The following RUNDC3B variants were observed in gnomAD, a reference collection of about 807,000 sequenced individuals.
RUNDC3B encodes the protein RUN domain-containing protein 3B.
Under a neutral mutation model 58.4 loss-of-function variants are expected in RUNDC3B, and 33 were observed. The ratio of observed to expected loss-of-function variants is 0.56; its 90% CI spans 0.43 to 0.75. The LOEUF (loss-of-function observed/expected upper bound fraction) is 0.75, where lower values mean the gene tolerates loss of function less well. Ranked by LOEUF, RUNDC3B falls within the 30% of genes least tolerant of loss-of-function variation. The pLI is 0.00. For missense variants in RUNDC3B, 501 were observed against 535.7 expected (o/e 0.94, Z 0.64); for synonymous variants, 193 against 195.2 (o/e 0.99, Z 0.10).
intron 9 of RUNDC3B, 29 bp downstream of exon 9, chr7:87,807,548 A>C (rs1836502469): frequency 1.3e-6 from 2 of 1,555,792 alleles, no homozygotes; most frequent in Non-Finnish European, 8.9e-7. Context: ...TTTCCAACTA[A>C]TTAATAGTTA....
chr7:87,718,239 T>A (rs180792432), intron 4 of RUNDC3B, among the ~76,000 whole-genome samples: 1 of 152,278 alleles, frequency 6.6e-6, no homozygotes, highest in East Asian at 1.9e-4. Context: ...TGGGCTGTGC[T>A]TAATTCCCTC....
At chr7:87,746,493 C>G (rs1002560040) in intron 6 of RUNDC3B, among the ~76,000 whole-genome samples, 18 of 152,102 alleles carry the variant, frequency 1.2e-4, no homozygotes, top group Non-Finnish European at 2.9e-5. Flanking sequence ...TTTGGGAGCT[C>G]CAGTGTTTGG....
chr7:87,794,481 T>A (rs1835700614), intron 8 of RUNDC3B, among the ~76,000 whole-genome samples: 1 of 151,640 alleles, frequency 6.6e-6, no homozygotes, highest in Admixed American at 6.6e-5. Flanking sequence ...ATGAAAGAAA[T>A]TGAAGAGGAC....
chr7:87,677,330 A>T (rs1220632757), intron 2 of RUNDC3B, among the ~76,000 whole-genome samples: 2 of 148,114 alleles, frequency 1.4e-5, no homozygotes, highest in Admixed American at 1.3e-4. Flanking sequence ...ATACCATTTC[A>T]GATTTAAAAA....
At chr7:87,683,715 T>C (rs1382582253) in intron 2 of RUNDC3B, among the ~76,000 whole-genome samples, 1 of 152,048 alleles carries the variant, frequency 6.6e-6, no homozygotes, top group African/African-American at 2.4e-5. Flanking sequence ...ACAATAATAA[T>C]GAAAAAGTTT....
At chr7:87,823,526 A>T (rs564057951) in intron 10 of RUNDC3B, among the ~76,000 whole-genome samples, 1 of 151,950 alleles carries the variant, frequency 6.6e-6, no homozygotes, top group Non-Finnish European at 1.5e-5. Flanking sequence ...TCACCTGAGC[A>T]GTATACACTG....
At chr7:87,792,899 AT>A (rs1218220699) in intron 8 of RUNDC3B, among the ~76,000 whole-genome samples, 5 of 152,082 alleles carry the variant, frequency 3.3e-5, no homozygotes, top group Admixed American at 1.3e-4. Flanking sequence ...CAAAAGACTG[AT>A]GAAAGAAAAA....
chr7:87,794,172 C>T (rs1448386403), intron 8 of RUNDC3B, among the ~76,000 whole-genome samples: 4 of 152,310 alleles, frequency 2.6e-5, no homozygotes, highest in South Asian at 2.1e-4. Flanking sequence ...CGCAGTGGCT[C>T]ACGCCTGTAA....
At chr7:87,816,643 A>G (rs781683387) in intron 10 of RUNDC3B, among the ~76,000 whole-genome samples, 5 of 152,158 alleles carry the variant, frequency 3.3e-5, no homozygotes, top group Non-Finnish European at 5.9e-5. Flanking sequence ...ACAACTGACC[A>G]CTTCCTCATT....
chr7:87,639,073 A>AC (rs1187960369), intron 1 of RUNDC3B, among the ~76,000 whole-genome samples: 5 of 137,884 alleles, frequency 3.6e-5, no homozygotes, highest in African/African-American at 1.4e-4. Context: ...AATGGTGTAA[A>AC]CCCCGGAGGC....
At chr7:87,691,416 C>T (rs1422855108) in intron 2 of RUNDC3B, among the ~76,000 whole-genome samples, 1 of 152,054 alleles carries the variant, frequency 6.6e-6, no homozygotes, top group Non-Finnish European at 1.5e-5. Context: ...TATTTGAATG[C>T]ATTTTGTTCT....
At position 87,700,984 on chromosome 7, in the gene RUNDC3B, T is replaced by G. The variant is rs564849636; in HGVS notation, c.372+430T>G. Among the ~76,000 whole-genome samples the G allele has an allele frequency of 3.3e-5, 5 of 152,324 alleles. No individual in the cohort carries two copies. In the South Asian group the frequency reaches 8.3e-4, roughly 25 times the overall value. On this transcript the variant is annotated intron_variant, in intron 3 of 10. Coordinates refer to ENST00000394654, the MANE Select transcript of RUNDC3B (RefSeq NM_001134405.2). ...TCAGTATTTTCTTTTAAAGGCAGTT[T>G]CAACTTAAGAATGACCATGATGGTG... is the stretch of plus-strand genomic sequence containing the variant.
chr7:87,653,108 A>G (rs1326169268), intron 2 of RUNDC3B, among the ~76,000 whole-genome samples: 1 of 152,038 alleles, frequency 6.6e-6, no homozygotes, highest in East Asian at 1.9e-4. Context: ...TATTAATATT[A>G]TTTGCAGTAA....
chr7:87,771,559 A>G (rs1331373139), intron 7 of RUNDC3B, among the ~76,000 whole-genome samples: 1 of 152,198 alleles, frequency 6.6e-6, no homozygotes, highest in Non-Finnish European at 1.5e-5. Flanking sequence ...GTAGAATACA[A>G]TTTTTTAAAA....
At chr7:87,788,637 T>C (rs1233522211) in intron 8 of RUNDC3B, among the ~76,000 whole-genome samples, 1 of 151,730 alleles carries the variant, frequency 6.6e-6, no homozygotes, top group Non-Finnish European at 1.5e-5. Context: ...CAATTGTACT[T>C]TGGATCAGTA....
chr7:87,793,977 C>T (rs1348500555), intron 8 of RUNDC3B, among the ~76,000 whole-genome samples: 1 of 152,138 alleles, frequency 6.6e-6, no homozygotes, highest in Non-Finnish European at 1.5e-5. Context: ...TAAACAAATT[C>T]AGTAAAGTTG....
At chr7:87,641,770 G>A (rs1009391770) in intron 1 of RUNDC3B, among the ~76,000 whole-genome samples, 2 of 152,162 alleles carry the variant, frequency 1.3e-5, no homozygotes, top group African/African-American at 4.8e-5. Context: ...TTTTAGCTAA[G>A]TAAAATGATT....
At chr7:87,642,463 G>A (rs1432343732) in intron 1 of RUNDC3B, among the ~76,000 whole-genome samples, 2 of 152,074 alleles carry the variant, frequency 1.3e-5, no homozygotes, top group African/African-American at 2.4e-5. Context: ...CAAGGGATAT[G>A]TGATCCAAGT....
chr7:87,671,920 G>T (rs1040222112), intron 2 of RUNDC3B, among the ~76,000 whole-genome samples: 3 of 152,208 alleles, frequency 2.0e-5, no homozygotes, highest in Non-Finnish European at 4.4e-5. Flanking sequence ...ACACAGGCAG[G>T]AGTGCTGGAG....
Sources: allele counts gnomAD v4.1 joint callset (sites outside exome capture counted in the v4.1 genomes callset), GRCh38; gene constraint gnomAD v4.1.1; transcripts MANE v1.5; gene names NCBI Gene and HGNC (gene_info 2026-07-23, HGNC 2026-07-21).